Variants in SLC39A13 observed in about 807,000 individuals in gnomAD.
SLC39A13 encodes zinc transporter ZIP13.
SLC39A13 carries 18 observed loss-of-function variants against 38.7 expected under a neutral mutation model. That is an observed-to-expected ratio of 0.47 (90% CI 0.32 to 0.69). SLC39A13 has a LOEUF of 0.69. Among genes scored for constraint, SLC39A13 ranks in the 30% least tolerant of loss-of-function variants. The pLI, the probability that SLC39A13 is intolerant of heterozygous loss-of-function variation, is 0.03. For synonymous variants in SLC39A13, 212 were observed against 219.1 expected (o/e 0.97, Z 0.29); for missense variants, 395 against 490.7 (o/e 0.80, Z 1.84).
intron 1 of SLC39A13, among the ~76,000 whole-genome samples, chr11:47,409,439 G>T (rs539799813): frequency 1.7e-4 from 26 of 152,296 alleles, no homozygotes; most frequent in Non-Finnish European, 3.1e-4. Flanking sequence ...TCAGAGGGGG[G>T]GCTTCAGAGA....
rs1340051172 is a variant in SLC39A13, at chr11:47,416,327, A to G, written c.*964A>G. 6.6e-6 allele frequency: 1 copy of G among 152,640 alleles called. No homozygotes were observed. Among genetic ancestry groups the G allele is most frequent in the Non-Finnish European group, 1.5e-5 (1 of 68,096 alleles). The allele number at this position is 152,640 out of a possible 1,614,324, so 9.5% of individuals were successfully genotyped here. ...CATTTCCCTTGGCTGACGCCCAGGT[A>G]CTCAGCTGGCCCACTCCACAGCCAG... On this transcript the variant is annotated 3_prime_UTR_variant, in exon 10 of 10. Coordinates refer to ENST00000362021, the MANE Select transcript of SLC39A13 (RefSeq NM_001128225.3).
chr11:47,407,356 A>G (rs1001399862), upstream of SLC39A13: 8 of 152,276 alleles, frequency 5.3e-5, no homozygotes, highest in Admixed American at 5.2e-4. Flanking sequence ...CGGTCTAAGG[A>G]AGGCCAACAG....
intron 6 of SLC39A13, chr11:47,414,054 T>C (rs1308817660): frequency 6.5e-6 from 4 of 618,166 alleles, no homozygotes; most frequent in Non-Finnish European, 2.9e-6. Flanking sequence ...GCCTGGAATG[T>C]TCTCCCGCCC....
chr11:47,414,645 T>C (rs2153301225), intron 7 of SLC39A13, 132 bp from the exon 8 acceptor site: 1 of 1,524,012 alleles, frequency 6.6e-7, no homozygotes, highest in Non-Finnish European at 9.0e-7. Context: ...CTGCCATCTC[T>C]GCCATACTCA....
In SLC39A13 at chr11:47,414,275, T is replaced by C. The variant is rs1467557180; in HGVS notation, c.736-150T>C. On this transcript the variant is annotated intron_variant, in intron 6 of 9. Coordinates refer to ENST00000362021, the MANE Select transcript of SLC39A13 (RefSeq NM_001128225.3). ...TAGCTTCGTGAAGGCAGGTTCCTTG[T>C]CCCCTTTAGTCACTGCTGTATTTCC... 3.6e-6 allele frequency: 3 copies of C among 827,706 alleles called. No individual in the cohort carries two copies. In the East Asian group the frequency reaches 8.0e-5, roughly 22 times the overall value. 51.3% of individuals were successfully genotyped at this position (827,706 alleles called of 1,614,324 possible).
chr11:47,414,851 G>A lies in SLC39A13; in HGVS notation c.861G>A (p.Ala287=), dbSNP rs755380176. 3.3e-5 allele frequency: 54 copies of A among 1,612,558 alleles called. No individual in the cohort carries two copies. The highest frequency in any genetic ancestry group is 4.2e-5 in the Non-Finnish European group (49 of 1,179,986). ...WSAAKLQLST[A]LGGLLGAGFA... is the part of the protein sequence containing the mutation. ...CAGCCAAGCTGCAACTCTCAACAGCGCTGGGGGGCCTACTGGGCGCTGGCT... is the reference window on the plus strand; with the variant it reads ...CAGCCAAGCTGCAACTCTCAACAGCACTGGGGGGCCTACTGGGCGCTGGCT... Residue 287 remains alanine, a synonymous_variant, in exon 8 of 10, where the codon GCG becomes GCA. Transcript: ENST00000362021.
chr11:47,410,913 G>T (rs563314916), intron 2 of SLC39A13, among the ~76,000 whole-genome samples: 1 of 152,338 alleles, frequency 6.6e-6, no homozygotes, highest in East Asian at 1.9e-4. Context: ...TGGGCTGAGG[G>T]CGGTGCCACA....
chr11:47,413,394 C>T lies in SLC39A13; in HGVS notation c.538-6C>T. ...TGTCACCTCTCCCTCCTTCTCCTGG[C>T]CCTAGGCCCCCAACAAAGACCCCAC... On this transcript the variant is annotated splice_region_variant and splice_polypyrimidine_tract_variant and intron_variant, in intron 4 of 9. Transcript: ENST00000362021. The T allele has an allele frequency of 2.5e-6, 4 of 1,613,924 alleles. No homozygotes were observed. Among genetic ancestry groups the T allele is most frequent in the Non-Finnish European group, 3.4e-6 (4 of 1,179,810 alleles).
chr11:47,413,871 T>G (rs1411876441), intron 6 of SLC39A13, 185 bp downstream of exon 6: 1 of 759,816 alleles, frequency 1.3e-6, no homozygotes, highest in Non-Finnish European at 2.3e-6. Flanking sequence ...CCCTGGTCTG[T>G]TCCTGTTCCC....
At position 47,412,406 on chromosome 11, in the gene SLC39A13, T is replaced by C; in HGVS notation, c.476T>C (p.Ile159Thr). The C allele has an allele frequency of 1.2e-6, 2 of 1,614,240 alleles. No homozygotes were observed. Among genetic ancestry groups the C allele is most frequent in the Non-Finnish European group, 1.7e-6 (2 of 1,180,026 alleles). The change falls in exon 4 of 10, where the codon ATC becomes ACC. Residue 159 changes from isoleucine to threonine, a missense_variant. Physicochemically the swap from Ile to Thr is moderately conservative, Grantham distance 89. Coordinates refer to ENST00000362021, the MANE Select transcript of SLC39A13 (RefSeq NM_001128225.3). ...QQLGLWVIAG[I>T]LTFLALEKMF... ...CTGGGGCTGTGGGTCATTGCTGGCA[T>C]CCTGACCTTCCTGGCGTTGGAGAAG... is the stretch of plus-strand genomic sequence containing the variant.
In SLC39A13 at chr11:47,415,951, G is replaced by A. The variant is rs909917264; in HGVS notation, c.*588G>A. 1 of 167,298 alleles carries A rather than the reference G, an allele frequency of 6.0e-6. No homozygotes were observed. Among genetic ancestry groups the A allele is most frequent in the African/African-American group, 2.4e-5 (1 of 41,730 alleles). The allele number at this position is 167,298 out of a possible 1,614,324, so 10.4% of individuals were successfully genotyped here. A position where few individuals can be genotyped will look rare whatever the true frequency, so the allele number is the denominator to read the frequency against. ...AGTCCCCAGCTCCTAGTAGTGAGCT[G>A]GGAGGCGCTTCCTAAGACCCTTTCC... On this transcript the variant is annotated 3_prime_UTR_variant, in exon 10 of 10. Transcript: ENST00000362021.
rs531715383 is a variant in SLC39A13 at position 47,413,603 on chromosome 11, G to A, written c.652G>A (p.Gly218Ser). ...TGCCTTCCCTCCTTCCCAGGTCAGC[G>A]GCTACCTCAACCTGCTGGCCAACAC... ...GAVVRSIKVS[G>S]YLNLLANTID... The change falls in exon 6 of 10, where the codon GGC (glycine) becomes AGC (serine). Residue 218 changes from glycine to serine, a missense_variant. Gly to Ser is a moderately conservative substitution (Grantham distance 56, BLOSUM62 0). Coordinates refer to ENST00000362021, the MANE Select transcript of SLC39A13 (RefSeq NM_001128225.3). The A allele has an allele frequency of 1.2e-5, 20 of 1,614,182 alleles. No individual in the cohort carries two copies. In the South Asian group the frequency reaches 1.3e-4, roughly 11 times the overall value.
Position 47,410,213 on chromosome 11 carries a change from G to T in SLC39A13, c.119G>T (p.Arg40Leu), listed in dbSNP as rs35741412. The T allele has an allele frequency of 6.2e-7, 1 of 1,613,430 alleles. No homozygotes were observed. Among genetic ancestry groups the T allele is most frequent in the Non-Finnish European group, 8.5e-7 (1 of 1,179,572 alleles). Residue 40 changes from arginine (R) to leucine (L), a missense_variant, in exon 2 of 10, where the codon CGG becomes CTG. Transcript: ENST00000362021. ...AGGSQPALRSRGTATACRLDN... is the reference protein window; with the variant it reads ...AGGSQPALRSLGTATACRLDN... ...GGTTCCCAGCCGGCCCTCCGGAGCC[G>T]GGGGACTGCGACGGCCTGTCGCCTG...
At position 47,415,402 on chromosome 11, in the gene SLC39A13, A is replaced by G; in HGVS notation, c.*39A>G. ...CGACGCCCCTGCCCCCTGCAGCAAT[A>G]AGATGCTCGGATTCACTCTGTGACC... is the stretch of plus-strand genomic sequence containing the variant. On this transcript the variant is annotated 3_prime_UTR_variant, in exon 10 of 10. Transcript: ENST00000362021. The G allele has an allele frequency of 6.2e-7, 1 of 1,606,060 alleles. No homozygotes were observed. Among genetic ancestry groups the G allele is most frequent in the Non-Finnish European group, 8.5e-7 (1 of 1,173,564 alleles).
At chr11:47,414,571 G>A (rs2096016290) in intron 7 of SLC39A13, 96 bp downstream of exon 7, 1 of 1,533,652 alleles carries the variant, frequency 6.5e-7, no homozygotes, top group Non-Finnish European at 8.9e-7. Flanking sequence ...GGCTGGGCCT[G>A]TCCAGCATGG....
Position 47,414,869 on chromosome 11 carries a change from C to T in SLC39A13, c.879C>T (p.Gly293=), listed in dbSNP as rs1047022550. 7.4e-6 allele frequency: 12 copies of T among 1,612,300 alleles called. No individual in the cohort carries two copies. The highest frequency in any genetic ancestry group is 3.6e-4 in the Middle Eastern group (2 of 5,516). ...QLSTALGGLL[G]AGFAICTQSP... ...CAACAGCGCTGGGGGGCCTACTGGG[C>T]GCTGGCTTCGCCATCTGTACCCAGT... The change falls in exon 8 of 10, where the codon GGC becomes GGT. Residue 293 remains glycine, a synonymous_variant. Coordinates refer to ENST00000362021, the MANE Select transcript of SLC39A13 (RefSeq NM_001128225.3).
At position 47,416,466 on chromosome 11, in the gene SLC39A13, A is replaced by AGAT. The variant is rs1236793647; in HGVS notation, c.*1104_*1106dup. 6.6e-6 allele frequency: 1 copy of AGAT among 152,364 alleles called. No individual in the cohort carries two copies. Among genetic ancestry groups the AGAT allele is most frequent in the Admixed American group, 6.5e-5 (1 of 15,294 alleles). 9.4% of individuals were successfully genotyped at this position (152,364 alleles called of 1,614,324 possible). A position where few individuals can be genotyped will look rare whatever the true frequency, so the allele number is the denominator to read the frequency against. On this transcript the variant is annotated 3_prime_UTR_variant, in exon 10 of 10. Transcript: ENST00000362021. Reference sequence around the variant, plus strand: ...TTGTATCTGTAAATATTTGTTCTATAGATAAGATACAAATAAATATTATCC... The same window carrying AGAT: ...TTGTATCTGTAAATATTTGTTCTATAGATGATAAGATACAAATAAATATTATCC...
Position 47,414,917 on chromosome 11 carries a change from C to A in SLC39A13, c.919+8C>A. ...AGTCCCCCAAGGGAGTAGGTACGGG[C>A]GTGGCGGGTGGTTGTGGCGGGTGGC... On this transcript the variant is annotated splice_region_variant and intron_variant, in intron 8 of 9. Transcript: ENST00000362021. 1 of 1,611,080 alleles carries A rather than the reference C, an allele frequency of 6.2e-7. No homozygotes were observed. Among genetic ancestry groups the A allele is most frequent in the Non-Finnish European group, 8.5e-7 (1 of 1,179,048 alleles).
At chr11:47,407,588 A>G (rs1212004146), upstream of SLC39A13, 1 of 152,236 alleles carries the variant, frequency 6.6e-6, no homozygotes, top group Non-Finnish European at 1.5e-5. Flanking sequence ...TGATTTCCAG[A>G]GAAGAATACA....
Sources: allele counts gnomAD v4.1 joint callset (sites outside exome capture counted in the v4.1 genomes callset), GRCh38; gene constraint gnomAD v4.1.1; transcripts MANE v1.5; gene names NCBI Gene and HGNC (gene_info 2026-07-23, HGNC 2026-07-21).